The following TSGA10 variants were observed in gnomAD, a reference collection of about 807,000 sequenced individuals.
TSGA10 encodes testis-specific gene 10 protein.
Under a neutral mutation model 96.6 loss-of-function variants are expected in TSGA10, and 43 were observed. The ratio of observed to expected loss-of-function variants is 0.44; its 90% CI spans 0.35 to 0.57. The LOEUF is 0.57. Among genes scored for constraint, TSGA10 ranks in the 20% least tolerant of loss-of-function variants. The probability of loss-of-function intolerance (pLI) is 0.01; values close to 1 mark genes in which losing one functional copy is unlikely to be tolerated. For missense variants in TSGA10, 703 were observed against 834.4 expected, an observed-to-expected ratio of 0.84 and a Z score of 1.94; for synonymous variants, 229 against 269.9, an observed-to-expected ratio of 0.85 and a Z score of 1.48.
chr2:99,095,211 C>T (rs2104719952), intron 10 of TSGA10, among the ~76,000 whole-genome samples: 1 of 152,106 alleles, frequency 6.6e-6, no homozygotes, highest in African/African-American at 2.4e-5. Context: ...GATGCAAAGG[C>T]ATAAGGATGA....
chr2:99,150,794 T>C (rs1330456657), intron 1 of TSGA10: 1 of 1,602,108 alleles, frequency 6.2e-7, no homozygotes, highest in Non-Finnish European at 8.5e-7. Context: ...GTGGTATATG[T>C]CAAAGAAAGT....
intron 14 of TSGA10, among the ~76,000 whole-genome samples, chr2:99,071,308 G>A (rs1217130515): frequency 6.6e-6 from 1 of 151,844 alleles, no homozygotes; most frequent in African/African-American, 2.4e-5. Context: ...GAATCACAGT[G>A]CTAATGAGAA....
At chr2:99,118,501 G>A in intron 3 of TSGA10, 50 bp downstream of exon 3, 2 of 610,020 alleles carry the variant, frequency 3.3e-6, no homozygotes, top group Non-Finnish European at 4.1e-6. Context: ...GTATATATAT[G>A]TGTATTATTA....
chr2:99,052,552 C>T lies in TSGA10; in HGVS notation c.1404+12387G>A, dbSNP rs1193571020. 2.0e-5 allele frequency among the ~76,000 whole-genome samples: 3 copies of T among 151,882 alleles called. No homozygotes were observed. The South Asian group carries it at 6.2e-4, about 32-fold the overall frequency. On this transcript the variant is annotated intron_variant, in intron 16 of 20. Transcript: ENST00000393483. ...AGGAGATTGAGACCATCCTGGCTAA[C>T]ACGGTGAAACCCCGTCTCTACTAAA...
intron 4 of TSGA10, 86 bp downstream of exon 4, chr2:99,117,458 T>G: frequency 1.8e-6 from 1 of 570,686 alleles, no homozygotes; most frequent in Non-Finnish European, 2.2e-6. Flanking sequence ...ATTATACAAA[T>G]GAGAATGCTA....
At chr2:99,097,031 T>G (rs2090132501) in intron 10 of TSGA10, among the ~76,000 whole-genome samples, 1 of 151,900 alleles carries the variant, frequency 6.6e-6, no homozygotes, top group Non-Finnish European at 1.5e-5. Flanking sequence ...ACAGGCAAAA[T>G]TTACCTATGG....
At chr2:99,019,401 G>C (rs1429697343) in intron 18 of TSGA10, among the ~76,000 whole-genome samples, 1 of 152,212 alleles carries the variant, frequency 6.6e-6, no homozygotes, top group Non-Finnish European at 1.5e-5. Context: ...TCCTGAGAAA[G>C]TGATCCTGCA....
rs190136778 is a variant in TSGA10, at chr2:99,041,371, C to T, written c.1405-5932G>A. 7.9e-5 allele frequency among the ~76,000 whole-genome samples: 12 copies of T among 152,204 alleles called. No individual in the cohort carries two copies. The East Asian group carries it at 2.3e-3, about 29-fold the overall frequency. ...CAGGGAACAAGCATTTCTAACAATA[C>T]CCAAAGCAAGACTAAGCAAAAAGAA... On this transcript the variant is annotated intron_variant, in intron 16 of 20. Transcript: ENST00000393483.
intron 17 of TSGA10, among the ~76,000 whole-genome samples, chr2:99,022,094 G>C (rs915943780): frequency 7.2e-5 from 11 of 152,070 alleles, no homozygotes; most frequent in African/African-American, 2.7e-4. Flanking sequence ...GGGAGGCCAA[G>C]GTAGGTGGAT....
intron 1 of TSGA10, chr2:99,142,261 T>C (rs539599350): frequency 1.3e-5 from 2 of 152,354 alleles, no homozygotes; most frequent in Admixed American, 6.5e-5. Context: ...ATGATAATGG[T>C]GACTTTATCT....
At chr2:99,055,729 C>T (rs968688850) in intron 16 of TSGA10, among the ~76,000 whole-genome samples, 1 of 151,770 alleles carries the variant, frequency 6.6e-6, no homozygotes, top group African/African-American at 2.4e-5. Context: ...GTAGCTCACA[C>T]CTGTAATTCC....
chr2:99,024,529 C>A (rs1239270428), intron 17 of TSGA10, among the ~76,000 whole-genome samples: 1 of 152,142 alleles, frequency 6.6e-6, no homozygotes, highest in Non-Finnish European at 1.5e-5. Context: ...CCCTGATGCT[C>A]ATTAATTCTA....
chr2:99,055,590 C>T (rs576577214), intron 16 of TSGA10, among the ~76,000 whole-genome samples: 162 of 151,726 alleles, frequency 1.1e-3, no homozygotes, highest in African/African-American at 3.7e-3. Flanking sequence ...GTAAACAATA[C>T]AATTTTTTAT....
intron 10 of TSGA10, among the ~76,000 whole-genome samples, chr2:99,086,937 T>G (rs1441256058): frequency 1.3e-4 from 20 of 150,926 alleles, no homozygotes; most frequent in Admixed American, 7.3e-4. Flanking sequence ...GGGCGCAGTG[T>G]CTCATGCCTG....
At chr2:99,055,879 A>G (rs2083925166) in intron 16 of TSGA10, among the ~76,000 whole-genome samples, 3 of 142,144 alleles carry the variant, frequency 2.1e-5, no homozygotes, top group East Asian at 2.1e-4. Context: ...AAAAAAAAAA[A>G]GGAAGAAAAG....
chr2:99,077,229 C>T (rs2104562170), intron 12 of TSGA10, among the ~76,000 whole-genome samples: 1 of 147,332 alleles, frequency 6.8e-6, no homozygotes, highest in East Asian at 2.0e-4. Context: ...CAACCTCCAC[C>T]TCCCAGGCTC....
chr2:99,017,128 A>G (rs2079575138), intron 20 of TSGA10, among the ~76,000 whole-genome samples: 1 of 152,238 alleles, frequency 6.6e-6, no homozygotes, highest in African/African-American at 2.4e-5. Flanking sequence ...TATAACTACC[A>G]TTTGATCCAT....
intron 20 of TSGA10, among the ~76,000 whole-genome samples, chr2:99,015,015 A>G (rs975874824): frequency 1.2e-4 from 19 of 152,176 alleles, no homozygotes; most frequent in Non-Finnish European, 2.4e-4. Context: ...GCCAATAAAA[A>G]AAGTCCAGGA....
chr2:99,152,212 A>G (rs2093700600), intron 1 of TSGA10, among the ~76,000 whole-genome samples: 1 of 152,246 alleles, frequency 6.6e-6, no homozygotes, highest in South Asian at 2.1e-4. Flanking sequence ...CAGTAATTAT[A>G]TAAGATGCAA....
Sources: allele counts gnomAD v4.1 joint callset (sites outside exome capture counted in the v4.1 genomes callset), GRCh38; gene constraint gnomAD v4.1.1; transcripts MANE v1.5; gene names NCBI Gene and HGNC (gene_info 2026-07-23, HGNC 2026-07-21).